Variants in PPIL2 observed in about 807,000 individuals in gnomAD.
The protein encoded by PPIL2 is peptidylprolyl isomerase like 2, also known as RING-type E3 ubiquitin-protein ligase PPIL2.
A neutral mutation model predicts 75.2 loss-of-function variants in PPIL2; 50 were observed. The observed-to-expected ratio is 0.66, with a 90% CI of 0.53 to 0.84. The LOEUF (loss-of-function observed/expected upper bound fraction) is 0.84. PPIL2 is among the 40% of genes least tolerant of loss of function. PPIL2 has a pLI of 0.00. For synonymous variants in PPIL2, 245 were observed against 258.8 expected (o/e 0.95, Z 0.51); for missense variants, 590 against 685.0 (o/e 0.86, Z 1.55).
At chr22:21,693,978 C>T in intron 16 of PPIL2, 106 bp downstream of exon 16, 2 of 1,206,706 alleles carry the variant, frequency 1.7e-6, no homozygotes. Flanking sequence ...AGTCATGTGC[C>T]ATGCTGGCCA....
chr22:21,689,023 G>C (rs2067504593), intron 15 of PPIL2, among the ~76,000 whole-genome samples, 174 bp downstream of exon 15: 1 of 152,262 alleles, frequency 6.6e-6, no homozygotes, highest in Admixed American at 6.5e-5. Context: ...CCCAGAGTGA[G>C]TCAGCAGGGA....
At chr22:21,684,699 T>C in intron 9 of PPIL2, 54 bp from the exon 10 acceptor site, 8 of 1,594,206 alleles carry the variant, frequency 5.0e-6, no homozygotes, top group Non-Finnish European at 5.1e-6. Context: ...CCAGCACGTG[T>C]GTGGGGAGGC....
Position 21,688,786 on chromosome 22 carries a change from C to G in PPIL2, c.1076C>G (p.Ser359Trp). ...PFKDEFRPNL[S>W]HTGRGILSMA... ...AAAGACGAGTTCCGGCCCAACCTCT[C>G]GCACACGGGCCGCGGCATCCTCAGC... The change falls in exon 15 of 20, where the codon TCG becomes TGG. Residue 359 changes from serine to tryptophan, a missense_variant. Physicochemically the swap from Ser to Trp is radical, Grantham distance 177. Coordinates refer to ENST00000398831, the MANE Select transcript of PPIL2 (RefSeq NM_014337.4). The G allele has an allele frequency of 6.2e-7, 1 of 1,614,220 alleles. No homozygotes were observed. Among genetic ancestry groups the G allele is most frequent in the Non-Finnish European group, 8.5e-7 (1 of 1,180,032 alleles).
intron 16 of PPIL2, among the ~76,000 whole-genome samples, 179 bp downstream of exon 16, chr22:21,694,051 TCTGG>T (rs1414326848): frequency 6.6e-6 from 1 of 152,134 alleles, no homozygotes; most frequent in Non-Finnish European, 1.5e-5. Context: ...GCCAGGGAAG[TCTGG>T]CTCTCTAGAC....
intron 11 of PPIL2, 131 bp downstream of exon 11, chr22:21,686,689 C>A: frequency 1.9e-6 from 2 of 1,076,652 alleles, no homozygotes; most frequent in Non-Finnish European, 2.8e-6. Flanking sequence ...AGTCCTCCCC[C>A]TCTTAGCTGC....
chr22:21,672,751 GTATTTTA>G (rs2066684139), intron 5 of PPIL2, among the ~76,000 whole-genome samples: 1 of 152,176 alleles, frequency 6.6e-6, no homozygotes, highest in South Asian at 2.1e-4. Context: ...GAGATCTAGT[GTATTTTA>G]CCAGTGACCT....
At chr22:21,679,776 A>C (rs2067027629) in intron 6 of PPIL2, among the ~76,000 whole-genome samples, 2 of 151,696 alleles carry the variant, frequency 1.3e-5, no homozygotes, top group South Asian at 4.2e-4. Context: ...GCCTCAAATC[A>C]GGATTTTTTT....
chr22:21,675,452 C>G (rs920610136), intron 6 of PPIL2, among the ~76,000 whole-genome samples: 3 of 152,192 alleles, frequency 2.0e-5, no homozygotes, highest in Non-Finnish European at 2.9e-5. Context: ...AGGAGAATCA[C>G]TTGAACCCAG....
intron 1 of PPIL2, chr22:21,669,442 C>A (rs1252161622): frequency 4.7e-6 from 2 of 423,678 alleles, no homozygotes; most frequent in South Asian, 1.6e-5. Flanking sequence ...AGCCACTGTG[C>A]CTGGTCTCCA....
At chr22:21,673,312 T>C (rs987654070) in intron 5 of PPIL2, among the ~76,000 whole-genome samples, 8 of 152,160 alleles carry the variant, frequency 5.3e-5, no homozygotes, top group African/African-American at 1.9e-4. Context: ...TCTCTGTTGC[T>C]CTTCTCAGCA....
At chr22:21,670,239 A>G in intron 2 of PPIL2, 1 of 1,185,658 alleles carries the variant, frequency 8.4e-7, no homozygotes, top group Non-Finnish European at 1.2e-6. Context: ...TTACATGTAC[A>G]TTTAAATGTT....
intron 1 of PPIL2, chr22:21,669,563 T>C: frequency 2.9e-6 from 1 of 340,580 alleles, no homozygotes; most frequent in Non-Finnish European, 5.8e-6. Context: ...TACAGTGGTG[T>C]GATCTTGGCT....
chr22:21,693,944 C>G, intron 16 of PPIL2, 72 bp downstream of exon 16: 2 of 1,461,820 alleles, frequency 1.4e-6, no homozygotes, highest in Non-Finnish European at 1.9e-6. Context: ...CTGAGGCCTC[C>G]TCACTGCCTT....
At chr22:21,688,016 A>C in intron 13 of PPIL2, 57 bp from the exon 14 acceptor site, 1 of 1,609,888 alleles carries the variant, frequency 6.2e-7, no homozygotes, top group East Asian at 2.2e-5. Flanking sequence ...TCAGTCAGGC[A>C]GGCGGTGGGC....
At chr22:21,693,667 G>C (rs2067781016) in intron 15 of PPIL2, 149 bp from the exon 16 acceptor site, 1 of 800,438 alleles carries the variant, frequency 1.2e-6, no homozygotes, top group Non-Finnish European at 2.1e-6. Flanking sequence ...CTGGTGGGCA[G>C]CGCAGGGAAC....
chr22:21,692,654 A>G (rs949331583), intron 15 of PPIL2, among the ~76,000 whole-genome samples: 3 of 150,834 alleles, frequency 2.0e-5, no homozygotes, highest in Non-Finnish European at 2.9e-5. Context: ...GGCCAGGTGC[A>G]GTGGCTCACG....
chr22:21,692,218 C>G (rs368412702), intron 15 of PPIL2, among the ~76,000 whole-genome samples: 3 of 151,734 alleles, frequency 2.0e-5, no homozygotes, highest in East Asian at 3.9e-4. Context: ...TGCAGCGGCG[C>G]GATCTCGGCT....
At chr22:21,669,310 G>A (rs374076280) in intron 1 of PPIL2, 1 of 435,176 alleles carries the variant, frequency 2.3e-6, no homozygotes, top group East Asian at 7.1e-5. Context: ...GTCACACCTG[G>A]CTAAGTTTTA....
intron 1 of PPIL2, among the ~76,000 whole-genome samples, chr22:21,667,319 G>A (rs1165651210): frequency 6.6e-6 from 1 of 151,826 alleles, no homozygotes; most frequent in African/African-American, 2.4e-5. Flanking sequence ...ACCATGCCCA[G>A]CTAATTTTGT....
Sources: gnomAD v4.1 joint callset for allele counts (sites outside exome capture counted in the v4.1 genomes callset) on GRCh38, gnomAD v4.1.1 for gene constraint, MANE v1.5 for transcripts, NCBI Gene and HGNC (gene_info 2026-07-23, HGNC 2026-07-21) for gene names.